The following FBRSL1 variants were observed in gnomAD, a reference collection of about 807,000 sequenced individuals.
FBRSL1 encodes fibrosin like 1, also known as fibrosin-1-like protein.
FBRSL1 carries 51 observed loss-of-function variants against 89.6 expected under a neutral mutation model. The observed-to-expected ratio is 0.57, with a 90% CI of 0.45 to 0.72. FBRSL1 has a LOEUF of 0.72. Ranked by LOEUF, FBRSL1 falls within the 30% of genes least tolerant of loss-of-function variation. FBRSL1 has a pLI of 0.00. For missense variants in FBRSL1, 1,618 were observed against 1,451.8 expected (o/e 1.11, Z -1.86); for synonymous variants, 779 against 681.1 (o/e 1.14, Z -2.24).
intron 2 of FBRSL1, chr12:132,509,743 C>A: frequency 8.1e-7 from 1 of 1,231,354 alleles, no homozygotes; most frequent in Non-Finnish European, 1.0e-6. Flanking sequence ...TGGGCCAGCC[C>A]GTGTCACTGT....
intron 4 of FBRSL1, among the ~76,000 whole-genome samples, chr12:132,542,506 G>A (rs1210728953): frequency 6.6e-6 from 1 of 152,226 alleles, no homozygotes. Flanking sequence ...TTCTGCTCAG[G>A]AACCTTCATG....
Position 132,490,700 on chromosome 12 carries a change from A to G in FBRSL1, c.130A>G (p.Lys44Glu). 1 of 994,472 alleles carries G rather than the reference A, an allele frequency of 1.0e-6. No homozygotes were observed. The highest frequency in any genetic ancestry group is 1.2e-6 in the Non-Finnish European group (1 of 834,216). 61.6% of individuals were successfully genotyped at this position (994,472 alleles called of 1,614,324 possible). A position where few individuals can be genotyped will look rare whatever the true frequency, so the allele number is the denominator to read the frequency against. ...SGDEPEPSPG[K>E]ENAGLRGAPP... ...CGACGAGCCCGAGCCCAGCCCCGGCAAGGAGAACGCGGGCCTCCGCGGCGC... is the reference window on the plus strand; with the variant it reads ...CGACGAGCCCGAGCCCAGCCCCGGCGAGGAGAACGCGGGCCTCCGCGGCGC... Residue 44 changes from lysine (K) to glutamate (E), a missense_variant, in exon 1 of 19, where the codon AAG (lysine) becomes GAG (glutamate). Physicochemically the swap from Lys to Glu is moderately conservative, Grantham distance 56. Transcript: ENST00000680143.
At chr12:132,512,574 C>T (rs1014267546) in intron 2 of FBRSL1, among the ~76,000 whole-genome samples, 1 of 152,224 alleles carries the variant, frequency 6.6e-6, no homozygotes, top group Admixed American at 6.5e-5. Context: ...GCGTGGGGAA[C>T]AGTGATGATT....
At chr12:132,581,875 C>A in intron 17 of FBRSL1, 51 bp downstream of exon 17, 1 of 1,471,522 alleles carries the variant, frequency 6.8e-7, no homozygotes, top group South Asian at 1.3e-5. Flanking sequence ...GCCCCTCCCC[C>A]ATGCCTGTGT....
chr12:132,569,039 C>T (rs2039826615), intron 6 of FBRSL1, among the ~76,000 whole-genome samples: 1 of 152,068 alleles, frequency 6.6e-6, no homozygotes, highest in Non-Finnish European at 1.5e-5. Flanking sequence ...AGGAGGCATG[C>T]GGCACGTGGA....
intron 1 of FBRSL1, among the ~76,000 whole-genome samples, chr12:132,496,284 C>T (rs1415315188): frequency 2.6e-5 from 4 of 152,198 alleles, no homozygotes; most frequent in Admixed American, 6.5e-5. Context: ...GCCAGACGTC[C>T]GCCATATCCC....
At chr12:132,541,839 G>C (rs1411449808) in intron 4 of FBRSL1, among the ~76,000 whole-genome samples, 1 of 152,236 alleles carries the variant, frequency 6.6e-6, no homozygotes, top group Non-Finnish European at 1.5e-5. Flanking sequence ...GGTCCCACAG[G>C]GCAGGGCACG....
chr12:132,530,535 G>A (rs1438351584), intron 4 of FBRSL1, among the ~76,000 whole-genome samples: 1 of 151,948 alleles, frequency 6.6e-6, no homozygotes, highest in Non-Finnish European at 1.5e-5. Flanking sequence ...AGGTCCCCAG[G>A]GCACCTGGGT....
At chr12:132,561,656 G>T (rs2039137476) in intron 5 of FBRSL1, among the ~76,000 whole-genome samples, 1 of 152,174 alleles carries the variant, frequency 6.6e-6, no homozygotes, top group Non-Finnish European at 1.5e-5. Context: ...CCCAACCACA[G>T]AGGGGGCAGT....
chr12:132,507,058 G>A (rs551522432), intron 1 of FBRSL1: 85 of 332,030 alleles, frequency 2.6e-4, no homozygotes, highest in African/African-American at 1.5e-3. Context: ...TGTCTCTGTC[G>A]TCTGCCCTTA....
rs2036615833 is a variant in FBRSL1 at position 132,535,304 on chromosome 12, C to T, written c.615+7316C>T. Among the ~76,000 whole-genome samples, 4 of 152,332 alleles carry T rather than the reference C, an allele frequency of 2.6e-5. No individual in the cohort carries two copies. In the South Asian group the frequency reaches 8.3e-4, roughly 32 times the overall value. On this transcript the variant is annotated intron_variant, in intron 4 of 18. Coordinates refer to ENST00000680143, the MANE Select transcript of FBRSL1 (RefSeq NM_001367871.1). ...GCCATCTTTTATTCATTCCCTGACA[C>T]AGGCTCATTAATTATTCTGGCCCAG...
chr12:132,583,938 T>C lies in FBRSL1; in HGVS notation c.*160T>C. 3.2e-6 allele frequency: 1 copy of C among 310,432 alleles called. No individual in the cohort carries two copies. The highest frequency in any genetic ancestry group is 5.7e-6 in the Non-Finnish European group (1 of 174,680). 19.2% of individuals were successfully genotyped at this position (310,432 alleles called of 1,614,324 possible). A position where few individuals can be genotyped will look rare whatever the true frequency, so the allele number is the denominator to read the frequency against. Reference sequence around the variant, plus strand: ...ACTTGGGTGTCGGCTTTTCTGAGGGTGATCTTTTGTTTTCCGAGTTTGGGA... The same window carrying C: ...ACTTGGGTGTCGGCTTTTCTGAGGGCGATCTTTTGTTTTCCGAGTTTGGGA... On this transcript the variant is annotated 3_prime_UTR_variant, in exon 19 of 19. Transcript: ENST00000680143.
chr12:132,510,177 A>T lies in FBRSL1; in HGVS notation c.489+1827A>T. 2.4e-6 allele frequency: 3 copies of T among 1,231,068 alleles called. No homozygotes were observed. In the South Asian group the frequency reaches 1.2e-4, roughly 51 times the overall value. 76.3% of individuals were successfully genotyped at this position (1,231,068 alleles called of 1,614,324 possible). On this transcript the variant is annotated intron_variant, in intron 2 of 18. Transcript: ENST00000680143. ...GCCCTGCCAGCCCCTGCGGCCGCTCATGGGCCCCAACAAGCCCTGCAAACC... is the reference window on the plus strand; with the variant it reads ...GCCCTGCCAGCCCCTGCGGCCGCTCTTGGGCCCCAACAAGCCCTGCAAACC...
At chr12:132,544,065 G>C (rs1490959168) in intron 4 of FBRSL1, among the ~76,000 whole-genome samples, 1 of 152,210 alleles carries the variant, frequency 6.6e-6, no homozygotes, top group East Asian at 1.9e-4. Flanking sequence ...AGAGCCCAGT[G>C]GTTCAGGGGC....
intron 16 of FBRSL1, 111 bp downstream of exon 16, chr12:132,581,627 G>A: frequency 1.3e-6 from 2 of 1,487,432 alleles, no homozygotes; most frequent in South Asian, 1.2e-5. Context: ...AGCCCCTTGG[G>A]TCATGCAGGC....
intron 4 of FBRSL1, among the ~76,000 whole-genome samples, chr12:132,534,158 G>A (rs929326143): frequency 1.3e-5 from 2 of 152,222 alleles, no homozygotes; most frequent in Non-Finnish European, 2.9e-5. Flanking sequence ...CTCAGCCCTG[G>A]GAGGTCAGCA....
intron 4 of FBRSL1, among the ~76,000 whole-genome samples, chr12:132,541,126 G>A (rs558366167): frequency 4.2e-5 from 6 of 143,280 alleles, no homozygotes; most frequent in South Asian, 2.2e-4. Flanking sequence ...TCCCTACCCC[G>A]AGGCATGTCA....
chr12:132,562,726 G>A (rs1412108838), intron 5 of FBRSL1, among the ~76,000 whole-genome samples: 1 of 152,102 alleles, frequency 6.6e-6, no homozygotes, highest in Non-Finnish European at 1.5e-5. Context: ...CCAGTGCAGG[G>A]GCCCTTCCGG....
At chr12:132,542,294 C>T (rs1384326340) in intron 4 of FBRSL1, among the ~76,000 whole-genome samples, 1 of 152,264 alleles carries the variant, frequency 6.6e-6, no homozygotes, top group African/African-American at 2.4e-5. Context: ...ACTCAGGCCA[C>T]ACATGCTCAG....
Sources: gnomAD v4.1 joint callset for allele counts (sites outside exome capture counted in the v4.1 genomes callset) on GRCh38, gnomAD v4.1.1 for gene constraint, MANE v1.5 for transcripts, NCBI Gene and HGNC (gene_info 2026-07-23, HGNC 2026-07-21) for gene names.